The following LIPE variants were observed in gnomAD, a reference collection of about 807,000 sequenced individuals.
LIPE encodes hormone-sensitive lipase.
A neutral mutation model predicts 88.5 loss-of-function variants in LIPE; 66 were observed. The ratio of observed to expected loss-of-function variants is 0.75; its 90% CI spans 0.61 to 0.91. The LOEUF is 0.91. LIPE is among the 40% of genes least tolerant of loss of function. The pLI, the probability that LIPE is intolerant of heterozygous loss-of-function variation, is 0.00. For missense variants in LIPE, 1,346 were observed against 1,434.7 expected (o/e 0.94, Z 1.00); for synonymous variants, 570 against 617.5 (o/e 0.92, Z 1.14).
chr19:42,426,481 C>T lies in LIPE; in HGVS notation c.669G>A (p.Lys223=). ...AATCTGTGACCCACTCAGAAAGTGC[C>T]TTCCACTCTAGGGCTGATCGCTGTA... ...LSIQRSALEW[K]ALSEWVTDSE... The change falls in exon 1 of 10, where the codon AAG becomes AAA. Residue 223 remains lysine (K), a synonymous_variant. Coordinates refer to ENST00000244289, the MANE Select transcript of LIPE (RefSeq NM_005357.4). 2 of 1,614,172 alleles carry T rather than the reference C, an allele frequency of 1.2e-6. No individual in the cohort carries two copies. Among genetic ancestry groups the T allele is most frequent in the South Asian group, 1.1e-5 (1 of 91,068 alleles).
At position 42,426,721 on chromosome 19, in the gene LIPE, T is replaced by C. The variant is rs1233885209; in HGVS notation, c.429A>G (p.Pro143=). The C allele has an allele frequency of 6.2e-7, 1 of 1,614,098 alleles. No individual in the cohort carries two copies. Among genetic ancestry groups the C allele is most frequent in the Non-Finnish European group, 8.5e-7 (1 of 1,180,038 alleles). The change falls in exon 1 of 10, where the codon CCA becomes CCG. Residue 143 remains proline (P), a synonymous_variant. Transcript: ENST00000244289. ...CTTGTTGAGCTGGAGGTGGCTCTCC[T>C]GGCCCAGGCCCTGGCTGGGCTACAT... is the stretch of plus-strand genomic sequence containing the variant. ...QRHVAQPGPG[P]GEPPPAQQEA...
In LIPE at chr19:42,406,948, G is replaced by A. The variant is rs1205653814; in HGVS notation, c.2137+226C>T. Among the ~76,000 whole-genome samples, 2 of 152,162 alleles carry A rather than the reference G, an allele frequency of 1.3e-5. No homozygotes were observed. Among genetic ancestry groups the A allele is most frequent in the African/African-American group, 2.4e-5 (1 of 41,432 alleles). Reference sequence around the variant, plus strand: ...CGACAGAGGCCCAGGGAGACAGGACGGTGGGTGGGAAGTGGAGGTGGAGGA... The same window carrying A: ...CGACAGAGGCCCAGGGAGACAGGACAGTGGGTGGGAAGTGGAGGTGGAGGA... On this transcript the variant is annotated intron_variant, in intron 6 of 9. Transcript: ENST00000244289. This position sits in a 1 kb window ranked among gnomAD's most constrained non-coding sequence, Gnocchi z 5.7.
In LIPE at chr19:42,427,353, C is replaced by T; in HGVS notation, c.-204G>A. On this transcript the variant is annotated 5_prime_UTR_variant, in exon 1 of 10. Transcript: ENST00000244289. Reference sequence around the variant, plus strand: ...CAGCTGGCCCCCACTAAGTAATGAACTCTGTGCCTCTTTCTTTGGTGGGAG... The same window carrying T: ...CAGCTGGCCCCCACTAAGTAATGAATTCTGTGCCTCTTTCTTTGGTGGGAG... The T allele has an allele frequency of 1.2e-6, 1 of 849,866 alleles. No individual in the cohort carries two copies. The highest frequency in any genetic ancestry group is 1.7e-6 in the Non-Finnish European group (1 of 604,092). 52.6% of individuals were successfully genotyped at this position (849,866 alleles called of 1,614,324 possible). A position where few individuals can be genotyped will look rare whatever the true frequency, so the allele number is the denominator to read the frequency against.
At chr19:42,404,836 G>T (rs918915262) in intron 8 of LIPE, among the ~76,000 whole-genome samples, 1 of 152,182 alleles carries the variant, frequency 6.6e-6, no homozygotes, top group East Asian at 1.9e-4. Flanking sequence ...ATGGTTGGAG[G>T]CAGACCTCAC....
intron 1 of LIPE, among the ~76,000 whole-genome samples, chr19:42,413,819 T>C (rs2040434090): frequency 6.6e-6 from 1 of 152,190 alleles, no homozygotes. Flanking sequence ...ACCTGGCACA[T>C]AGCAGGTGCT....
rs1210963544 is a variant in LIPE, at chr19:42,402,691, GGAGTA to G, written c.2878_2882del (p.Tyr960LeufsTer129). On this transcript the variant is annotated frameshift_variant, in exon 9 of 10. Coordinates refer to ENST00000244289, the MANE Select transcript of LIPE (RefSeq NM_005357.4). LOFTEE classifies it high-confidence loss of function. ...TGAAGGGGTTCTTGACTATGGGTGA[GGAGTA>G]GAGGGGCATCTGTGTGGCACCCTGG... 6.6e-7 allele frequency: 1 copy of G among 1,519,374 alleles called. No homozygotes were observed. Among genetic ancestry groups the G allele is most frequent in the Non-Finnish European group, 8.8e-7 (1 of 1,131,290 alleles). 94.1% of individuals were successfully genotyped at this position (1,519,374 alleles called of 1,614,324 possible). A position where few individuals can be genotyped will look rare whatever the true frequency, so the allele number is the denominator to read the frequency against.
chr19:42,424,124 C>T (rs935951739), intron 1 of LIPE: 1 of 1,197,976 alleles, frequency 8.3e-7, no homozygotes, highest in East Asian at 5.8e-5. Context: ...TCTCCTGTCT[C>T]CTAGTTCTCC....
rs1291331867 is a variant in LIPE at position 42,408,299 on chromosome 19, G to C, written c.1443C>G (p.Phe481Leu). Residue 481 changes from phenylalanine to leucine, a missense_variant, in exon 3 of 10, where the codon TTC becomes TTG. Coordinates refer to ENST00000244289, the MANE Select transcript of LIPE (RefSeq NM_005357.4). The surrounding 1 kb of genome is among the most constrained non-coding windows in gnomAD (Gnocchi z 4.3). ...CCAGCCCAATGGAGATGGTCTGCAG[G>C]AATGGCCGGATGGCAGGCGTGAACT... ...GFQFTPAIRP[F>L]LQTISIGLVS... The C allele has an allele frequency of 6.2e-7, 1 of 1,614,110 alleles. No individual in the cohort carries two copies. Among genetic ancestry groups the C allele is most frequent in the South Asian group, 1.1e-5 (1 of 91,084 alleles).
intron 1 of LIPE, among the ~76,000 whole-genome samples, chr19:42,425,822 A>G (rs962177659): frequency 1.3e-5 from 2 of 151,740 alleles, no homozygotes; most frequent in African/African-American, 4.8e-5. Context: ...TCTTTTTTTG[A>G]GATGGAGTCT....
At position 42,408,415 on chromosome 19, in the gene LIPE, T is replaced by A; in HGVS notation, c.1420-93A>T. Reference sequence around the variant, plus strand: ...ACAGGGATGTGCGGGGAAGACACATTCATTCAGTAAACGTTTCATGAGCTC... The same window carrying A: ...ACAGGGATGTGCGGGGAAGACACATACATTCAGTAAACGTTTCATGAGCTC... On this transcript the variant is annotated intron_variant, in intron 2 of 9. Coordinates refer to ENST00000244289, the MANE Select transcript of LIPE (RefSeq NM_005357.4). The surrounding 1 kb of genome is among the most constrained non-coding windows in gnomAD (Gnocchi z 4.3). 1 of 1,016,690 alleles carries A rather than the reference T, an allele frequency of 9.8e-7. No homozygotes were observed. Among genetic ancestry groups the A allele is most frequent in the Non-Finnish European group, 1.5e-6 (1 of 646,084 alleles). 63.0% of individuals were successfully genotyped at this position (1,016,690 alleles called of 1,614,324 possible).
chr19:42,410,408 C>T lies in LIPE; in HGVS notation c.1318G>A (p.Val440Ile). The change falls in exon 2 of 10, where the codon GTA (valine) becomes ATA (isoleucine). Residue 440 changes from valine (V) to isoleucine (I), a missense_variant. By Grantham distance (29) the Val-to-Ile change is conservative. Coordinates refer to ENST00000244289, the MANE Select transcript of LIPE (RefSeq NM_005357.4). The surrounding 1 kb of genome is among the most constrained non-coding windows in gnomAD (Gnocchi z 6.1). ...QRLLVTNRPG[V>I]LFFEGDEGLT... ...CCCTCGTCGCCCTCAAAGAAGAGTA[C>T]CCCCGGCCGATTGGTAACCAGCAGG... 6.2e-7 allele frequency: 1 copy of T among 1,614,146 alleles called. No individual in the cohort carries two copies. The highest frequency in any genetic ancestry group is 8.5e-7 in the Non-Finnish European group (1 of 1,180,010).
chr19:42,426,512 A>G lies in LIPE; in HGVS notation c.638T>C (p.Leu213Pro). Residue 213 changes from leucine to proline, a missense_variant, in exon 1 of 10, where the codon CTA becomes CCA. By Grantham distance (98) the Leu-to-Pro change is moderately conservative. Coordinates refer to ENST00000244289, the MANE Select transcript of LIPE (RefSeq NM_005357.4). ...ELGFLTKLQELSIQRSALEWK... is the reference protein window; with the variant it reads ...ELGFLTKLQEPSIQRSALEWK... ...CTCTAGGGCTGATCGCTGTATGGAT[A>G]GTTCCTGAAGTTTTGTTAGAAATCC... The G allele has an allele frequency of 1.9e-6, 3 of 1,614,188 alleles. No homozygotes were observed. Among genetic ancestry groups the G allele is most frequent in the African/African-American group, 1.3e-5 (1 of 75,040 alleles).
intron 1 of LIPE, 66 bp downstream of exon 1, chr19:42,426,201 T>G (rs2040704074): frequency 6.6e-7 from 1 of 1,510,272 alleles, no homozygotes; most frequent in East Asian, 2.3e-5. Flanking sequence ...CGTAAGTTTT[T>G]AGTATTTTTT....
In LIPE at chr19:42,427,347, A is replaced by G. The variant is rs2040726540; in HGVS notation, c.-198T>C. On this transcript the variant is annotated 5_prime_UTR_variant, in exon 1 of 10. Coordinates refer to ENST00000244289, the MANE Select transcript of LIPE (RefSeq NM_005357.4). ...CGATCACAGCTGGCCCCCACTAAGT[A>G]ATGAACTCTGTGCCTCTTTCTTTGG... is the stretch of plus-strand genomic sequence containing the variant. 13 of 952,356 alleles carry G rather than the reference A, an allele frequency of 1.4e-5. No individual in the cohort carries two copies. The highest frequency in any genetic ancestry group is 1.5e-6 in the Non-Finnish European group (1 of 689,412). 59.0% of individuals were successfully genotyped at this position (952,356 alleles called of 1,614,324 possible).
In LIPE at chr19:42,407,189, G is replaced by C; in HGVS notation, c.2122C>G (p.His708Asp). 6.6e-7 allele frequency: 1 copy of C among 1,524,260 alleles called. No individual in the cohort carries two copies. The highest frequency in any genetic ancestry group is 8.8e-7 in the Non-Finnish European group (1 of 1,132,650). 94.4% of individuals were successfully genotyped at this position (1,524,260 alleles called of 1,614,324 possible). A position where few individuals can be genotyped will look rare whatever the true frequency, so the allele number is the denominator to read the frequency against. ...CFFAYCWAIK[H>D]CALLGSTGER... The stretch of plus-strand genomic sequence containing the variant: ...TGAGGCTCACCAAGGAGGGCGCAGT[G>C]CTTGATGGCCCAGCAGTAGGCGAAG... Residue 708 changes from histidine to aspartate, a missense_variant, in exon 6 of 10, where the codon CAC becomes GAC. His to Asp is a moderately conservative substitution (Grantham distance 81). Coordinates refer to ENST00000244289, the MANE Select transcript of LIPE (RefSeq NM_005357.4). This position sits in a 1 kb window ranked among gnomAD's most constrained non-coding sequence, Gnocchi z 5.8.
chr19:42,411,500 A>C, intron 1 of LIPE: 1 of 167,148 alleles, frequency 6.0e-6, no homozygotes, highest in Non-Finnish European at 1.2e-5. Context: ...CTCCAACAAC[A>C]TTTGGGAGAG....
At position 42,402,695 on chromosome 19, in the gene LIPE, T is replaced by TA; in HGVS notation, c.2878dup (p.Tyr960LeufsTer131). 6.5e-7 allele frequency: 1 copy of TA among 1,527,426 alleles called. No homozygotes were observed. The highest frequency in any genetic ancestry group is 8.8e-7 in the Non-Finnish European group (1 of 1,133,854). The allele number at this position is 1,527,426 out of a possible 1,614,324, so 94.6% of individuals were successfully genotyped here. On this transcript the variant is annotated frameshift_variant, in exon 9 of 10. Coordinates refer to ENST00000244289, the MANE Select transcript of LIPE (RefSeq NM_005357.4). LOFTEE classifies it high-confidence loss of function. ...GGGGTTCTTGACTATGGGTGAGGAG[T>TA]AGAGGGGCATCTGTGTGGCACCCTG... is the stretch of plus-strand genomic sequence containing the variant.
intron 1 of LIPE, chr19:42,423,578 G>A: frequency 8.2e-7 from 1 of 1,219,312 alleles, no homozygotes; most frequent in Non-Finnish European, 1.0e-6. Context: ...TTCCAGCCGC[G>A]AGGCCCTGCC....
chr19:42,403,676 T>C (rs1337244367), intron 8 of LIPE, among the ~76,000 whole-genome samples: 1 of 151,980 alleles, frequency 6.6e-6, no homozygotes, highest in Non-Finnish European at 1.5e-5. Context: ...TGTTCTCGAA[T>C]TCCTGGCCTC....
Sources: gnomAD v4.1 joint callset for allele counts (sites outside exome capture counted in the v4.1 genomes callset) on GRCh38, gnomAD v4.1.1 for gene constraint, Gnocchi (gnomAD v3.1) non-coding constraint, MANE v1.5 for transcripts, NCBI Gene and HGNC (gene_info 2026-07-23, HGNC 2026-07-21) for gene names.